BMP2K: variants seen among roughly 807,000 people sequenced by gnomAD.
The protein encoded by BMP2K is BMP-2-inducible protein kinase.
BMP2K carries 74 observed loss-of-function variants against 116.0 expected under a neutral mutation model. The observed-to-expected ratio is 0.64, with a 90% CI of 0.53 to 0.77. BMP2K has a LOEUF of 0.77. BMP2K is among the 30% of genes least tolerant of loss of function. The pLI, the probability that BMP2K is intolerant of heterozygous loss-of-function variation, is 0.00. For missense variants in BMP2K, 1,365 were observed against 1,403.6 expected (o/e 0.97, Z 0.44); for synonymous variants, 486 against 502.5 (o/e 0.97, Z 0.44).
intron 1 of BMP2K, among the ~76,000 whole-genome samples, chr4:78,800,813 A>G (rs1214332722): frequency 6.6e-6 from 1 of 152,210 alleles, no homozygotes; most frequent in South Asian, 2.1e-4. Context: ...CAAGTGTTTA[A>G]ATACAATAAA....
At chr4:78,908,123 CAA>C (rs1235505395) in intron 15 of BMP2K, among the ~76,000 whole-genome samples, 1 of 152,118 alleles carries the variant, frequency 6.6e-6, no homozygotes, top group Non-Finnish European at 1.5e-5. Flanking sequence ...GGAAGGATAA[CAA>C]ATACAGCATG....
At chr4:78,814,814 T>TA (rs932652269) in intron 1 of BMP2K, among the ~76,000 whole-genome samples, 1 of 151,942 alleles carries the variant, frequency 6.6e-6, no homozygotes, top group Non-Finnish European at 1.5e-5. Context: ...CATAACTTTT[T>TA]AAAAAAAATA....
At chr4:78,848,281 TAATTTGGTAC>T (rs1392132860) in intron 6 of BMP2K, among the ~76,000 whole-genome samples, 1 of 151,664 alleles carries the variant, frequency 6.6e-6, no homozygotes, top group Non-Finnish European at 1.5e-5. Flanking sequence ...ATAAGTTTAT[TAATTTGGTAC>T]TACTTATAGA....
chr4:78,786,272 A>C (rs895259998), intron 1 of BMP2K, among the ~76,000 whole-genome samples: 2 of 152,082 alleles, frequency 1.3e-5, no homozygotes, highest in Non-Finnish European at 2.9e-5. Context: ...CTTGCACTAC[A>C]TAAGGTTAGA....
At position 78,818,989 on chromosome 4, in the gene BMP2K, G is replaced by A. The variant is rs141824573; in HGVS notation, c.179-7048G>A. ...TTTTTTGTATTTCTATTAGAGACAA[G>A]GTTTTACCATGTTGCCCAGGCTGGT... is the stretch of plus-strand genomic sequence containing the variant. On this transcript the variant is annotated intron_variant, in intron 1 of 15. Transcript: ENST00000502613. Among the ~76,000 whole-genome samples, 493 of 151,904 alleles carry A rather than the reference G, an allele frequency of 3.2e-3. 4 individuals are homozygous for A. The highest frequency in any genetic ancestry group is 0.012 in the African/African-American group (477 of 41,420).
intron 1 of BMP2K, among the ~76,000 whole-genome samples, chr4:78,796,004 C>G (rs1728248452): frequency 6.6e-6 from 1 of 151,712 alleles, no homozygotes; most frequent in Non-Finnish European, 1.5e-5. Context: ...GGATCTAGAA[C>G]TGGAAATACC....
chr4:78,863,956 A>G (rs1260090264), intron 9 of BMP2K, among the ~76,000 whole-genome samples: 4 of 152,160 alleles, frequency 2.6e-5, no homozygotes, highest in Non-Finnish European at 5.9e-5. Context: ...TTACTATCTT[A>G]TATTTATTAC....
At position 78,910,872 on chromosome 4, in the gene BMP2K, T is replaced by A. The variant is rs757281025; in HGVS notation, c.2325T>A (p.Asp775Glu). ...GGGAACAAGGAGATTTTAATGATGA[T>A]GATACTGAACCAGAAAATCTGGGTC... ...LQGEQGDFND[D>E]DTEPENLGHR... is the part of the protein sequence containing the mutation. The change falls in exon 16 of 16, where the codon GAT (aspartate) becomes GAA (glutamate). Residue 775 changes from aspartate to glutamate, a missense_variant. Asp to Glu is a conservative substitution (Grantham distance 45). Transcript: ENST00000502613. 6.2e-7 allele frequency: 1 copy of A among 1,613,958 alleles called. No individual in the cohort carries two copies.
chr4:78,868,672 C>G (rs539206482), intron 10 of BMP2K, among the ~76,000 whole-genome samples: 1 of 152,238 alleles, frequency 6.6e-6, no homozygotes, highest in South Asian at 2.1e-4. Flanking sequence ...TGGGTAGATA[C>G]AGCCGTTCCA....
At chr4:78,823,037 T>G (rs893142814) in intron 1 of BMP2K, among the ~76,000 whole-genome samples, 1 of 152,078 alleles carries the variant, frequency 6.6e-6, no homozygotes, top group African/African-American at 2.4e-5. Context: ...CATAAACATT[T>G]ATTACATTTT....
At chr4:78,894,459 A>G (rs1193973050) in intron 15 of BMP2K, among the ~76,000 whole-genome samples, 1 of 152,180 alleles carries the variant, frequency 6.6e-6, no homozygotes, top group African/African-American at 2.4e-5. Context: ...CTTTCCTTAC[A>G]GCTCATGATC....
At chr4:78,802,174 T>C (rs1436462139) in intron 1 of BMP2K, among the ~76,000 whole-genome samples, 2 of 152,228 alleles carry the variant, frequency 1.3e-5, no homozygotes, top group Admixed American at 6.5e-5. Flanking sequence ...TGTTGAGAAG[T>C]TGGTAGTTGT....
At chr4:78,835,164 G>T (rs1256042474) in intron 3 of BMP2K, among the ~76,000 whole-genome samples, 1 of 152,084 alleles carries the variant, frequency 6.6e-6, no homozygotes. Context: ...AGTTTTAGGG[G>T]CAAATTTTAT....
chr4:78,796,610 T>C (rs1294840334), intron 1 of BMP2K, among the ~76,000 whole-genome samples: 1 of 152,178 alleles, frequency 6.6e-6, no homozygotes, highest in Non-Finnish European at 1.5e-5. Context: ...TTAATAGTTA[T>C]AAGGCCACTT....
At chr4:78,818,365 T>C (rs548824794) in intron 1 of BMP2K, among the ~76,000 whole-genome samples, 1 of 152,348 alleles carries the variant, frequency 6.6e-6, no homozygotes, top group Admixed American at 6.5e-5. Context: ...GTTGAACTTA[T>C]TTACACTCCC....
chr4:78,872,392 T>G (rs1577946826), intron 12 of BMP2K: 1 of 364,572 alleles, frequency 2.7e-6, no homozygotes, highest in South Asian at 8.9e-5. Context: ...TAAAAGAGGA[T>G]TTTTGATTCT....
intron 14 of BMP2K, among the ~76,000 whole-genome samples, chr4:78,886,203 G>C (rs927859495): frequency 6.6e-6 from 1 of 152,064 alleles, no homozygotes; most frequent in Non-Finnish European, 1.5e-5. Context: ...ATCATTACTA[G>C]GGAGTCAGGA....
chr4:78,784,094 A>G (rs907930759), intron 1 of BMP2K, among the ~76,000 whole-genome samples: 9 of 152,202 alleles, frequency 5.9e-5, no homozygotes, highest in African/African-American at 2.2e-4. Flanking sequence ...GGATGTCCTT[A>G]TGTTGATCCT....
chr4:78,793,424 AAT>A (rs1728103181), intron 1 of BMP2K, among the ~76,000 whole-genome samples: 1 of 151,620 alleles, frequency 6.6e-6, no homozygotes, highest in African/African-American at 2.4e-5. Flanking sequence ...AAAAAAAAAA[AAT>A]TAAAAAAAAA....
Sources: allele counts gnomAD v4.1 joint callset (sites outside exome capture counted in the v4.1 genomes callset), GRCh38; gene constraint gnomAD v4.1.1; transcripts MANE v1.5; gene names NCBI Gene and HGNC (gene_info 2026-07-23, HGNC 2026-07-21).